PDE4B: variants seen among roughly 807,000 people sequenced by gnomAD.
PDE4B encodes the protein 3',5'-cyclic-AMP phosphodiesterase 4B.
PDE4B carries 20 observed loss-of-function variants against 82.2 expected under a neutral mutation model. That is an observed-to-expected ratio of 0.24 (90% confidence interval 0.17 to 0.35). The LOEUF (loss-of-function observed/expected upper bound fraction) is 0.35. PDE4B is among the 10% of genes least tolerant of loss of function. The pLI is 1.00. For synonymous variants in PDE4B, 320 were observed against 318.9 expected, an observed-to-expected ratio of 1.00 and a Z score of -0.04; for missense variants, 655 against 907.2, an observed-to-expected ratio of 0.72 and a Z score of 3.57.
At chr1:66,136,568 G>A (rs1646059850) in intron 3 of PDE4B, among the ~76,000 whole-genome samples, 1 of 151,880 alleles carries the variant, frequency 6.6e-6, no homozygotes, top group South Asian at 2.1e-4. Flanking sequence ...AAATTAGATG[G>A]GCGTGGTGGC....
intron 9 of PDE4B, among the ~76,000 whole-genome samples, chr1:66,358,688 A>AC (rs1232463637): frequency 6.6e-6 from 1 of 151,994 alleles, no homozygotes; most frequent in African/African-American, 2.4e-5. Context: ...AAAAAAAAAA[A>AC]AAAAGTATTA....
intron 3 of PDE4B, among the ~76,000 whole-genome samples, chr1:66,113,468 C>T (rs1645529396): frequency 6.6e-6 from 1 of 151,708 alleles, no homozygotes; most frequent in African/African-American, 2.4e-5. Flanking sequence ...TTCATACATG[C>T]ATTTTGTATT....
At chr1:65,874,640 C>T (rs1318716587) in intron 1 of PDE4B, among the ~76,000 whole-genome samples, 2 of 151,870 alleles carry the variant, frequency 1.3e-5, no homozygotes, top group Non-Finnish European at 2.9e-5. Context: ...GAAATAACGC[C>T]GCATACCTAC....
intron 3 of PDE4B, among the ~76,000 whole-genome samples, chr1:66,139,503 A>C (rs1441006893): frequency 6.6e-6 from 1 of 152,268 alleles, no homozygotes; most frequent in South Asian, 2.1e-4. Context: ...TTAAGAGCTC[A>C]TGGGATTAGA....
intron 3 of PDE4B, among the ~76,000 whole-genome samples, chr1:66,104,282 G>A (rs1570242939): frequency 1.3e-5 from 2 of 151,732 alleles, no homozygotes; most frequent in East Asian, 1.9e-4. Flanking sequence ...CCTTTTTTAT[G>A]GCTGCATAGT....
rs187209049 is a variant in PDE4B, at chr1:66,080,679, C to G, written c.281+161844C>G. 2.6e-5 allele frequency among the ~76,000 whole-genome samples: 4 copies of G among 152,234 alleles called. 1 individual carries two copies. Among genetic ancestry groups the G allele is most frequent in the Admixed American group, 2.0e-4 (3 of 15,280 alleles). ...TGTCACCATGTGTTACAGGTACACTCTGGCCTTCTTATCGCTTATTAGAGT... is the reference window on the plus strand; with the variant it reads ...TGTCACCATGTGTTACAGGTACACTGTGGCCTTCTTATCGCTTATTAGAGT... On this transcript the variant is annotated intron_variant, in intron 3 of 16. Transcript: ENST00000341517.
intron 1 of PDE4B, among the ~76,000 whole-genome samples, chr1:65,807,340 G>A (rs567571179): frequency 7.2e-5 from 11 of 152,242 alleles, no homozygotes; most frequent in Middle Eastern, 3.4e-3. Context: ...TCGATTTCTC[G>A]CATCATTATG....
intron 3 of PDE4B, among the ~76,000 whole-genome samples, chr1:66,210,482 G>T (rs907159320): frequency 2.0e-5 from 3 of 150,812 alleles, no homozygotes; most frequent in African/African-American, 7.3e-5. Flanking sequence ...TGTAGTCCCG[G>T]CTACTTGGGA....
At chr1:65,836,501 AT>A (rs1180311239) in intron 1 of PDE4B, among the ~76,000 whole-genome samples, 1 of 151,994 alleles carries the variant, frequency 6.6e-6, no homozygotes, top group East Asian at 1.9e-4. Context: ...CCTGGTTTTC[AT>A]TTTCCTCAGG....
intron 3 of PDE4B, among the ~76,000 whole-genome samples, chr1:66,013,093 T>A (rs1234403867): frequency 6.6e-6 from 1 of 152,166 alleles, no homozygotes; most frequent in African/African-American, 2.4e-5. Flanking sequence ...TGACTGAATG[T>A]GTTCAGTGTC....
rs147692065 is a variant in PDE4B at position 66,059,688 on chromosome 1, A to G, written c.281+140853A>G. ...AATAACGCAGAAAAGACCTGCCCCCATGATTCAATAACCTCCCACTGTGTC... is the reference window on the plus strand; with the variant it reads ...AATAACGCAGAAAAGACCTGCCCCCGTGATTCAATAACCTCCCACTGTGTC... On this transcript the variant is annotated intron_variant, in intron 3 of 16. Transcript: ENST00000341517. 1.4e-3 allele frequency among the ~76,000 whole-genome samples: 219 copies of G among 152,288 alleles called. 1 individual carries two copies. Among genetic ancestry groups the G allele is most frequent in the Middle Eastern group, 6.8e-3 (2 of 294 alleles).
chr1:66,224,405 A>G (rs1651259186), intron 3 of PDE4B, among the ~76,000 whole-genome samples: 1 of 152,178 alleles, frequency 6.6e-6, no homozygotes, highest in Non-Finnish European at 1.5e-5. Flanking sequence ...GCTCAAGTGC[A>G]GCAAAAAATG....
At chr1:65,871,678 C>T (rs887577811) in intron 1 of PDE4B, among the ~76,000 whole-genome samples, 3 of 152,190 alleles carry the variant, frequency 2.0e-5, no homozygotes, top group Admixed American at 2.0e-4. Flanking sequence ...CAAGTTGACA[C>T]ACAACTTTCC....
chr1:65,821,911 A>T (rs1423337301), intron 1 of PDE4B, among the ~76,000 whole-genome samples: 1 of 152,250 alleles, frequency 6.6e-6, no homozygotes, highest in African/African-American at 2.4e-5. Flanking sequence ...AAAATAAGGT[A>T]TAAATATAGC....
intron 4 of PDE4B, among the ~76,000 whole-genome samples, chr1:66,255,380 G>A (rs572838704): frequency 2.6e-5 from 4 of 152,130 alleles, no homozygotes; most frequent in Non-Finnish European, 5.9e-5. Context: ...AAGCCACCAC[G>A]CCCAGCCTGG....
intron 10 of PDE4B, among the ~76,000 whole-genome samples, chr1:66,362,501 C>G (rs920505542): frequency 2.6e-5 from 4 of 152,098 alleles, no homozygotes; most frequent in African/African-American, 9.7e-5. Context: ...TAGGCCAAGT[C>G]GTGGTGGAGA....
intron 7 of PDE4B, among the ~76,000 whole-genome samples, chr1:66,269,982 C>T (rs1455725627): frequency 1.3e-5 from 2 of 152,126 alleles, no homozygotes; most frequent in East Asian, 3.9e-4. Context: ...AGTAAATTTA[C>T]TGAGCAGGAA....
At chr1:66,078,367 T>A (rs1222038270) in intron 3 of PDE4B, among the ~76,000 whole-genome samples, 2 of 151,938 alleles carry the variant, frequency 1.3e-5, no homozygotes, top group Non-Finnish European at 2.9e-5. Context: ...TGGCTAATTA[T>A]TATTATTATT....
intron 3 of PDE4B, among the ~76,000 whole-genome samples, chr1:66,086,942 G>A (rs1273947842): frequency 1.3e-5 from 2 of 152,130 alleles, no homozygotes; most frequent in Non-Finnish European, 1.5e-5. Context: ...AGGACTGAGT[G>A]GAAATTCACC....
Sources: gnomAD v4.1 joint callset for allele counts (sites outside exome capture counted in the v4.1 genomes callset) on GRCh38, gnomAD v4.1.1 for gene constraint, MANE v1.5 for transcripts, NCBI Gene and HGNC (gene_info 2026-07-23, HGNC 2026-07-21) for gene names.